ADAMTSL3: variants seen among roughly 807,000 people sequenced by gnomAD.
ADAMTSL3 encodes the protein ADAMTS like 3.
Under a neutral mutation model 201.7 loss-of-function variants are expected in ADAMTSL3, and 128 were observed. That is an observed-to-expected ratio of 0.63 (90% CI 0.55 to 0.73). The LOEUF is 0.73. Ranked by LOEUF, ADAMTSL3 falls within the 30% of genes least tolerant of loss-of-function variation. ADAMTSL3 has a pLI of 0.00. For synonymous variants in ADAMTSL3, 738 were observed against 748.4 expected (o/e 0.99, Z 0.23); for missense variants, 1,990 against 2,119.6 (o/e 0.94, Z 1.20).
At chr15:83,697,655 G>C (rs1324814051) in intron 2 of ADAMTSL3, among the ~76,000 whole-genome samples, 1 of 152,172 alleles carries the variant, frequency 6.6e-6, no homozygotes, top group Non-Finnish European at 1.5e-5. Context: ...GTGAGGTCTG[G>C]AAGGAGGTCC....
chr15:84,013,918 GGCTCCTGCAATGTT>G (rs1008964571), intron 23 of ADAMTSL3, among the ~76,000 whole-genome samples: 4 of 152,168 alleles, frequency 2.6e-5, no homozygotes, highest in African/African-American at 9.7e-5. Flanking sequence ...TCTGTGTCCA[GGCTCCTGCAATGTT>G]GCTTACAGTC....
chr15:83,958,949 A>G (rs2066906231), intron 19 of ADAMTSL3, among the ~76,000 whole-genome samples: 1 of 152,188 alleles, frequency 6.6e-6, no homozygotes, highest in Non-Finnish European at 1.5e-5. Context: ...TCAAAGAGAA[A>G]TAAAAAAAGA....
chr15:83,864,739 A>T (rs2064938537), intron 8 of ADAMTSL3, among the ~76,000 whole-genome samples: 1 of 152,228 alleles, frequency 6.6e-6, no homozygotes, highest in Non-Finnish European at 1.5e-5. Context: ...CTCCTATTCA[A>T]CATAGTGTTG....
At chr15:84,015,623 A>C (rs2141897046) in intron 24 of ADAMTSL3, among the ~76,000 whole-genome samples, 1 of 152,104 alleles carries the variant, frequency 6.6e-6, no homozygotes, top group African/African-American at 2.4e-5. Flanking sequence ...CCCCTCATGG[A>C]CTCTTAGTAC....
At chr15:83,936,806 A>T (rs2066468163) in intron 17 of ADAMTSL3, among the ~76,000 whole-genome samples, 1 of 151,012 alleles carries the variant, frequency 6.6e-6, no homozygotes, top group African/African-American at 2.5e-5. Flanking sequence ...AGAAACTTAA[A>T]CAAATTCAGC....
At chr15:83,676,643 A>C (rs754473741) in intron 2 of ADAMTSL3, among the ~76,000 whole-genome samples, 5 of 152,138 alleles carry the variant, frequency 3.3e-5, no homozygotes, top group African/African-American at 4.8e-5. Flanking sequence ...GCACCGCTGC[A>C]CTCCAGCCTG....
At chr15:83,702,660 A>G (rs56129357) in intron 2 of ADAMTSL3, among the ~76,000 whole-genome samples, 3,688 of 152,314 alleles carry the variant, frequency 0.024, 144 homozygotes, top group African/African-American at 0.078. Context: ...CTGCAACAGA[A>G]GTCAAGAATT....
intron 7 of ADAMTSL3, among the ~76,000 whole-genome samples, chr15:83,850,354 C>T (rs372031478): frequency 2.0e-5 from 3 of 151,724 alleles, no homozygotes; most frequent in East Asian, 1.9e-4. Flanking sequence ...ATATGACCAG[C>T]GGGTCTCTTC....
rs188860425 is a variant in ADAMTSL3 at position 83,787,595 on chromosome 15, A to G, written c.317+13945A>G. 6.6e-5 allele frequency among the ~76,000 whole-genome samples: 10 copies of G among 152,294 alleles called. No homozygotes were observed. In the East Asian group the frequency reaches 1.9e-3, roughly 29 times the overall value. On this transcript the variant is annotated intron_variant, in intron 4 of 29. Coordinates refer to ENST00000286744, the MANE Select transcript of ADAMTSL3 (RefSeq NM_207517.3). ...TCATGTAGGCTTGAGGTGAAAAACA[A>G]CAGCCTCTTGATTCCCTTCCTCCCA...
At chr15:83,898,336 G>C (rs1181260102) in intron 14 of ADAMTSL3, among the ~76,000 whole-genome samples, 1 of 152,126 alleles carries the variant, frequency 6.6e-6, no homozygotes, top group Non-Finnish European at 1.5e-5. Flanking sequence ...ATTAAAAAAG[G>C]AGGGGAAGGA....
intron 6 of ADAMTSL3, 128 bp downstream of exon 6, chr15:83,820,175 G>C: frequency 2.7e-6 from 2 of 737,778 alleles, no homozygotes; most frequent in Non-Finnish European, 4.6e-6. Flanking sequence ...AGGTACGGTG[G>C]CTTACACCTA....
Position 83,989,193 on chromosome 15 carries a change from T to C in ADAMTSL3, c.3844+375T>C, listed in dbSNP as rs554164428. ...CACCGCGCCTGGCTGTTTATTTGTTTTTAACATTAAATTCTAGAGCAGCAG... is the reference window on the plus strand; with the variant it reads ...CACCGCGCCTGGCTGTTTATTTGTTCTTAACATTAAATTCTAGAGCAGCAG... On this transcript the variant is annotated intron_variant, in intron 22 of 29. Coordinates refer to ENST00000286744, the MANE Select transcript of ADAMTSL3 (RefSeq NM_207517.3). Among the ~76,000 whole-genome samples the C allele has an allele frequency of 1.5e-4, 23 of 152,318 alleles. No homozygotes were observed. The South Asian group carries it at 4.8e-3, about 32-fold the overall frequency.
At chr15:83,866,397 G>C (rs1388602613) in intron 8 of ADAMTSL3, among the ~76,000 whole-genome samples, 1 of 152,098 alleles carries the variant, frequency 6.6e-6, no homozygotes, top group Non-Finnish European at 1.5e-5. Flanking sequence ...AAGAAAATGT[G>C]GCACATATAC....
At chr15:83,781,132 A>G (rs2063161395) in intron 4 of ADAMTSL3, among the ~76,000 whole-genome samples, 1 of 152,236 alleles carries the variant, frequency 6.6e-6, no homozygotes, top group African/African-American at 2.4e-5. Context: ...ATATGGAACC[A>G]AAAAACAGCC....
chr15:83,760,140 A>AT (rs1423299791), intron 3 of ADAMTSL3, among the ~76,000 whole-genome samples: 3 of 151,956 alleles, frequency 2.0e-5, no homozygotes, highest in East Asian at 3.9e-4. Flanking sequence ...AAGATCATTG[A>AT]TTTTTTCATC....
intron 24 of ADAMTSL3, among the ~76,000 whole-genome samples, 184 bp downstream of exon 24, chr15:84,014,908 C>T (rs2068064097): frequency 1.3e-5 from 2 of 152,004 alleles, no homozygotes; most frequent in African/African-American, 2.4e-5. Flanking sequence ...CCCCGTATTC[C>T]CAGCACCTAA....
intron 22 of ADAMTSL3, among the ~76,000 whole-genome samples, chr15:83,989,118 G>T (rs908572548): frequency 6.6e-6 from 1 of 152,218 alleles, no homozygotes; most frequent in East Asian, 1.9e-4. Flanking sequence ...TCCTGACCTC[G>T]TGATCCACCC....
intron 10 of ADAMTSL3, among the ~76,000 whole-genome samples, chr15:83,887,175 C>T (rs1220964744): frequency 1.3e-5 from 2 of 152,192 alleles, no homozygotes; most frequent in African/African-American, 2.4e-5. Context: ...ATGGTACACA[C>T]TCCACTTTGA....
At chr15:83,876,916 C>T (rs2065187433) in intron 9 of ADAMTSL3, among the ~76,000 whole-genome samples, 1 of 152,200 alleles carries the variant, frequency 6.6e-6, no homozygotes, top group African/African-American at 2.4e-5. Context: ...CCTCAGCCTC[C>T]TGTGTAACTG....
Sources: allele counts gnomAD v4.1 joint callset (sites outside exome capture counted in the v4.1 genomes callset), GRCh38; gene constraint gnomAD v4.1.1; transcripts MANE v1.5; gene names NCBI Gene and HGNC (gene_info 2026-07-23, HGNC 2026-07-21).